Variants in TEC observed in about 807,000 individuals in gnomAD.
TEC encodes tyrosine-protein kinase Tec.
Under a neutral mutation model 93.0 loss-of-function variants are expected in TEC, and 72 were observed. The observed-to-expected ratio is 0.77, with a 90% CI of 0.64 to 0.94. The LOEUF (loss-of-function observed/expected upper bound fraction) is 0.94, where lower values mean the gene tolerates loss of function less well. Among genes scored for constraint, TEC ranks in the 40% least tolerant of loss-of-function variants. The probability of loss-of-function intolerance (pLI) is 0.00; values close to 1 mark genes in which losing one functional copy is unlikely to be tolerated. For missense variants in TEC, 630 were observed against 757.9 expected (o/e 0.83, Z 1.98); for synonymous variants, 249 against 247.7 (o/e 1.01, Z -0.05).
chr4:48,233,599 G>C (rs998406870), intron 1 of TEC, among the ~76,000 whole-genome samples: 1 of 151,214 alleles, frequency 6.6e-6, no homozygotes, highest in African/African-American at 2.4e-5. Flanking sequence ...AAAAGGGCAA[G>C]TTGGAAGAAA....
Position 48,176,132 on chromosome 4 carries a change from C to T in TEC, c.193G>A (p.Val65Met), listed in dbSNP as rs1445679604. The change falls in exon 3 of 18, where the codon GTG becomes ATG. Residue 65 changes from valine to methionine, a missense_variant. Val to Met is a conservative substitution (Grantham distance 21). This residue lies in a region of TEC where 335 missense variants were observed against 351.5 expected (regional missense o/e 0.95). Transcript: ENST00000381501. ...GGAATGACACCATCATCATTCTTCA[C>T]TATTTCCACACACTTGATTTTTGAA... is the stretch of plus-strand genomic sequence containing the variant. The part of the protein sequence containing the change: ...DVSKIKCVEI[V>M]KNDDGVIPCQ... 28 of 1,613,810 alleles carry T rather than the reference C, an allele frequency of 1.7e-5. No individual in the cohort carries two copies. Among genetic ancestry groups the T allele is most frequent in the Non-Finnish European group, 2.3e-5 (27 of 1,179,952 alleles).
At chr4:48,225,263 C>T (rs1165422614) in intron 2 of TEC, among the ~76,000 whole-genome samples, 7 of 152,150 alleles carry the variant, frequency 4.6e-5, no homozygotes, top group Non-Finnish European at 8.8e-5. Context: ...CAACCTCTGC[C>T]TCCTGGCTCC....
chr4:48,256,860 C>T (rs12501247), intron 1 of TEC, among the ~76,000 whole-genome samples: 2 of 151,892 alleles, frequency 1.3e-5, no homozygotes, highest in Admixed American at 6.6e-5. Context: ...TAGGAGTCCC[C>T]GGTCCTTAGG....
intron 3 of TEC, among the ~76,000 whole-genome samples, chr4:48,174,610 G>A (rs1721246848): frequency 6.6e-6 from 1 of 151,262 alleles, no homozygotes. Flanking sequence ...AGTGAGCTGA[G>A]ATCATACCAC....
At chr4:48,144,304 G>A (rs16861050) in intron 14 of TEC, among the ~76,000 whole-genome samples, 76 of 152,252 alleles carry the variant, frequency 5.0e-4, no homozygotes, top group African/African-American at 1.8e-3. Flanking sequence ...TAAAATATGG[G>A]AGAAAGTCCC....
chr4:48,246,508 A>G (rs1039692687), intron 1 of TEC, among the ~76,000 whole-genome samples: 7 of 152,120 alleles, frequency 4.6e-5, no homozygotes, highest in African/African-American at 1.7e-4. Context: ...CACACTCCCA[A>G]TTTTAAAATT....
At chr4:48,203,797 T>C (rs1722611956) in intron 2 of TEC, among the ~76,000 whole-genome samples, 1 of 152,200 alleles carries the variant, frequency 6.6e-6, no homozygotes, top group Non-Finnish European at 1.5e-5. Flanking sequence ...TAAGCAGTCA[T>C]AATTCATCAG....
At chr4:48,147,110 C>T (rs1719947999) in intron 11 of TEC, among the ~76,000 whole-genome samples, 2 of 151,758 alleles carry the variant, frequency 1.3e-5, no homozygotes, top group African/African-American at 2.4e-5. Context: ...ATTGAGATGA[C>T]GGTGAAAAAT....
chr4:48,147,603 G>A (rs1719971231), intron 11 of TEC, among the ~76,000 whole-genome samples: 1 of 152,126 alleles, frequency 6.6e-6, no homozygotes, highest in Admixed American at 6.5e-5. Flanking sequence ...AGTAGATGAA[G>A]CATGACTTTC....
chr4:48,255,771 A>G (rs760954579), intron 1 of TEC, among the ~76,000 whole-genome samples: 15 of 152,232 alleles, frequency 9.9e-5, no homozygotes, highest in Non-Finnish European at 1.8e-4. Flanking sequence ...TGCTAAGCAC[A>G]ATGCTTGACA....
intron 1 of TEC, among the ~76,000 whole-genome samples, chr4:48,249,607 C>T (rs991233855): frequency 6.6e-6 from 1 of 152,222 alleles, no homozygotes; most frequent in Non-Finnish European, 1.5e-5. Context: ...GTCCCAAAGA[C>T]CTATGGCTTC....
At chr4:48,208,780 G>A (rs1722799072) in intron 2 of TEC, among the ~76,000 whole-genome samples, 1 of 152,172 alleles carries the variant, frequency 6.6e-6, no homozygotes, top group Admixed American at 6.5e-5. Context: ...GGACAGCAGG[G>A]CATTTACCTT....
chr4:48,219,304 A>G (rs1723178183), intron 2 of TEC, among the ~76,000 whole-genome samples: 1 of 152,190 alleles, frequency 6.6e-6, no homozygotes. Flanking sequence ...GAAGGCACCC[A>G]TTACTTAGCA....
intron 2 of TEC, 129 bp from the exon 3 acceptor site, chr4:48,176,315 C>T: frequency 1.6e-6 from 1 of 641,788 alleles, no homozygotes; most frequent in Non-Finnish European, 2.7e-6. Context: ...AATCATGTTT[C>T]CCACTAACTG....
At chr4:48,160,477 A>G (rs1720585961) in intron 8 of TEC, among the ~76,000 whole-genome samples, 1 of 152,162 alleles carries the variant, frequency 6.6e-6, no homozygotes, top group African/African-American at 2.4e-5. Flanking sequence ...CTGTAATGCC[A>G]GCACTTTGGG....
chr4:48,186,982 G>A (rs535742185), intron 2 of TEC, among the ~76,000 whole-genome samples: 59 of 152,372 alleles, frequency 3.9e-4, no homozygotes, highest in African/African-American at 1.1e-3. Context: ...CGTTTTTGTC[G>A]AATAGAAAAG....
chr4:48,203,618 A>G (rs1202730962), intron 2 of TEC, among the ~76,000 whole-genome samples: 2 of 152,344 alleles, frequency 1.3e-5, no homozygotes, highest in Admixed American at 6.5e-5. Context: ...TCACTGATGT[A>G]TAAGTGAGTC....
chr4:48,205,597 A>T (rs1722690457), intron 2 of TEC, among the ~76,000 whole-genome samples: 1 of 152,198 alleles, frequency 6.6e-6, no homozygotes, highest in Non-Finnish European at 1.5e-5. Flanking sequence ...AGCTACATAT[A>T]AAGTTGCTCA....
intron 2 of TEC, among the ~76,000 whole-genome samples, chr4:48,189,732 T>G (rs1308943635): frequency 6.6e-6 from 1 of 152,224 alleles, no homozygotes; most frequent in East Asian, 1.9e-4. Flanking sequence ...TAAATCATAG[T>G]ATCTGATTTA....
Sources: gnomAD v4.1 joint callset for allele counts (sites outside exome capture counted in the v4.1 genomes callset) on GRCh38, gnomAD v4.1.1 for gene constraint, gnomAD v4.1.1 regional missense constraint, MANE v1.5 for transcripts, NCBI Gene and HGNC (gene_info 2026-07-23, HGNC 2026-07-21) for gene names.